RTN1: variants seen among roughly 807,000 people sequenced by gnomAD.
RTN1 encodes the protein reticulon-1.
A neutral mutation model predicts 65.5 loss-of-function variants in RTN1; 25 were observed. The ratio of observed to expected loss-of-function variants is 0.38; its 90% confidence interval spans 0.28 to 0.53. RTN1 has a LOEUF of 0.53. RTN1 is among the 20% of genes least tolerant of loss of function. RTN1 has a pLI of 0.79. For missense variants in RTN1, 983 were observed against 1,025.4 expected, an observed-to-expected ratio of 0.96 and a Z score of 0.57; for synonymous variants, 471 against 447.6, an observed-to-expected ratio of 1.05 and a Z score of -0.66.
chr14:59,662,713 T>G (rs959644592), intron 3 of RTN1, among the ~76,000 whole-genome samples: 4 of 152,150 alleles, frequency 2.6e-5, no homozygotes, highest in African/African-American at 9.7e-5. Flanking sequence ...TTAAAAGTGA[T>G]GTGAAGGACC....
chr14:59,860,660 G>A (rs1484326343), intron 1 of RTN1, among the ~76,000 whole-genome samples: 1 of 152,150 alleles, frequency 6.6e-6, no homozygotes, highest in African/African-American at 2.4e-5. Flanking sequence ...GAGCCAGGAG[G>A]GAGGCTGTAC....
chr14:59,625,761 AT>A (rs1352010335), intron 3 of RTN1, among the ~76,000 whole-genome samples: 28 of 152,218 alleles, frequency 1.8e-4, no homozygotes, highest in Admixed American at 1.7e-3. Context: ...TTAGAAAAAA[AT>A]AAAGCCATTA....
At chr14:59,817,258 GGTAAGTGCTATGAAGAAAAAATA>G (rs1886838168) in intron 1 of RTN1, among the ~76,000 whole-genome samples, 1 of 152,018 alleles carries the variant, frequency 6.6e-6, no homozygotes, top group African/African-American at 2.4e-5. Flanking sequence ...TGCAAACTGT[GGTAAGTGCTATGAAGAAAAAATA>G]AAGGATGCCA....
At chr14:59,707,608 C>G (rs1884322115) in intron 3 of RTN1, among the ~76,000 whole-genome samples, 1 of 151,730 alleles carries the variant, frequency 6.6e-6, no homozygotes, top group South Asian at 2.1e-4. Context: ...GTTCACTCAC[C>G]AAGAGTCAGC....
chr14:59,619,208 A>T (rs963675707), intron 3 of RTN1, among the ~76,000 whole-genome samples: 1 of 152,224 alleles, frequency 6.6e-6, no homozygotes, highest in Non-Finnish European at 1.5e-5. Context: ...CAGCATTTCA[A>T]AGCTGGGTGA....
intron 4 of RTN1, chr14:59,605,760 G>A: frequency 5.9e-6 from 2 of 337,930 alleles, no homozygotes; most frequent in African/African-American, 2.1e-5. Context: ...CAGCATGGGT[G>A]GGCTGAAAAT....
intron 1 of RTN1, among the ~76,000 whole-genome samples, chr14:59,815,835 A>G (rs755261971): frequency 6.6e-6 from 1 of 151,892 alleles, no homozygotes; most frequent in East Asian, 1.9e-4. Flanking sequence ...ACTGATTCCC[A>G]TCCCTTGAAG....
At chr14:59,735,197 A>T (rs1424323549) in intron 2 of RTN1, among the ~76,000 whole-genome samples, 3 of 152,226 alleles carry the variant, frequency 2.0e-5, no homozygotes, top group Non-Finnish European at 4.4e-5. Flanking sequence ...TGAGGGAATT[A>T]GTTATCACCA....
At chr14:59,819,301 C>T (rs1447770770) in intron 1 of RTN1, among the ~76,000 whole-genome samples, 3 of 150,416 alleles carry the variant, frequency 2.0e-5, no homozygotes, top group South Asian at 2.1e-4. Context: ...GCTCGGGTGG[C>T]GGGTCTTTAT....
intron 1 of RTN1, among the ~76,000 whole-genome samples, chr14:59,831,060 T>G (rs1255887651): frequency 6.6e-6 from 1 of 152,118 alleles, no homozygotes; most frequent in Non-Finnish European, 1.5e-5. Flanking sequence ...AAATTTAAAT[T>G]ATTACTTTGC....
chr14:59,800,390 T>TTTGTTG (rs1224355729), intron 1 of RTN1, among the ~76,000 whole-genome samples: 19 of 152,156 alleles, frequency 1.2e-4, no homozygotes, highest in African/African-American at 4.6e-4. Flanking sequence ...AATACATCTT[T>TTTGTTG]TTGTTGTTGT....
At chr14:59,769,013 T>C (rs1305775861) in intron 1 of RTN1, among the ~76,000 whole-genome samples, 1 of 152,204 alleles carries the variant, frequency 6.6e-6, no homozygotes, top group Non-Finnish European at 1.5e-5. Flanking sequence ...GTGCTTAAAC[T>C]GGGAGTATCC....
At chr14:59,862,765 AGTGAGCCCCAAGG>A (rs1290136289) in intron 1 of RTN1, among the ~76,000 whole-genome samples, 2 of 152,164 alleles carry the variant, frequency 1.3e-5, no homozygotes, top group African/African-American at 4.8e-5. Flanking sequence ...TTAAGCTCTA[AGTGAGCCCCAAGG>A]GCTACTCAGT....
At chr14:59,833,939 G>T (rs964306171) in intron 1 of RTN1, among the ~76,000 whole-genome samples, 12 of 152,170 alleles carry the variant, frequency 7.9e-5, no homozygotes, top group Non-Finnish European at 1.6e-4. Flanking sequence ...GAAAAACCAA[G>T]TTGGAGGGCT....
Position 59,727,109 on chromosome 14 carries a change from G to A in RTN1, c.1575C>T (p.Tyr525=), listed in dbSNP as rs1884781310. ...GGCCAGGCTGGGGCTCAGTTGAGGG[G>A]TAGTCGAGGAAGGAACCCGGCTCGG... ...GLAEPGSFLD[Y]PSTEPQPGPE... The change falls in exon 3 of 9, where the codon TAC becomes TAT. Residue 525 remains tyrosine, a synonymous_variant. Coordinates refer to ENST00000267484, the MANE Select transcript of RTN1 (RefSeq NM_021136.3). The surrounding 1 kb of genome is among the most constrained non-coding windows in gnomAD (Gnocchi z 4.2). The A allele has an allele frequency of 1.2e-6, 2 of 1,610,058 alleles. No individual in the cohort carries two copies. The highest frequency in any genetic ancestry group is 1.7e-6 in the Non-Finnish European group (2 of 1,178,236).
chr14:59,639,468 T>A (rs1397495567), intron 3 of RTN1, among the ~76,000 whole-genome samples: 1 of 152,230 alleles, frequency 6.6e-6, no homozygotes, highest in Non-Finnish European at 1.5e-5. Context: ...TGTAATCATA[T>A]CTTCTGTGAA....
chr14:59,676,607 G>A (rs532977240), intron 3 of RTN1, among the ~76,000 whole-genome samples: 9 of 152,238 alleles, frequency 5.9e-5, no homozygotes, highest in African/African-American at 2.2e-4. Flanking sequence ...CAAAGAGGAG[G>A]CAGGACAACA....
At chr14:59,858,702 C>A (rs1272386428) in intron 1 of RTN1, among the ~76,000 whole-genome samples, 2 of 152,086 alleles carry the variant, frequency 1.3e-5, no homozygotes, top group Non-Finnish European at 2.9e-5. Context: ...ATTCATTAAG[C>A]AACCCAGGAA....
chr14:59,655,709 C>T (rs1883108817), intron 3 of RTN1, among the ~76,000 whole-genome samples: 3 of 152,140 alleles, frequency 2.0e-5, no homozygotes, highest in Non-Finnish European at 2.9e-5. Context: ...GGTGCCAAGA[C>T]CATTCAGTGG....
Sources: gnomAD v4.1 joint callset for allele counts (sites outside exome capture counted in the v4.1 genomes callset) on GRCh38, gnomAD v4.1.1 for gene constraint, Gnocchi (gnomAD v3.1) non-coding constraint, MANE v1.5 for transcripts, NCBI Gene and HGNC (gene_info 2026-07-23, HGNC 2026-07-21) for gene names.